Variants in MALRD1 observed in about 807,000 individuals in gnomAD.
MALRD1 encodes MAM and LDL receptor class A domain containing 1.
Under a neutral mutation model 242.1 loss-of-function variants are expected in MALRD1, and 247 were observed. The ratio of observed to expected loss-of-function variants is 1.02; its 90% CI spans 0.92 to 1.13. MALRD1 has a LOEUF of 1.13. MALRD1 is among the 50% of genes most tolerant of loss of function. The pLI, the probability that MALRD1 is intolerant of heterozygous loss-of-function variation, is 0.00. For synonymous variants in MALRD1, 995 were observed against 866.6 expected (o/e 1.15, Z -2.60); for missense variants, 2,989 against 2,533.1 (o/e 1.18, Z -3.86).
At chr10:19,132,139 G>A (rs1833134184) in intron 8 of MALRD1, among the ~76,000 whole-genome samples, 1 of 150,956 alleles carries the variant, frequency 6.6e-6, no homozygotes, top group Non-Finnish European at 1.5e-5. Context: ...GGGAGCAGAG[G>A]GGAATCAGTC....
At chr10:19,163,150 A>G (rs1165977893) in intron 12 of MALRD1, among the ~76,000 whole-genome samples, 13 of 147,840 alleles carry the variant, frequency 8.8e-5, no homozygotes, top group East Asian at 6.0e-4. Context: ...AAAAAAAAAA[A>G]AAAAAAAAAA....
chr10:19,195,459 A>G (rs1836194386), intron 14 of MALRD1, among the ~76,000 whole-genome samples: 1 of 152,024 alleles, frequency 6.6e-6, no homozygotes, highest in Non-Finnish European at 1.5e-5. Flanking sequence ...GTGTCTCCCA[A>G]ATTTATATCT....
chr10:19,720,757 A>G (rs1444275619), intron 38 of MALRD1, among the ~76,000 whole-genome samples: 2 of 152,218 alleles, frequency 1.3e-5, no homozygotes, highest in African/African-American at 4.8e-5. Flanking sequence ...AGGACAAAAT[A>G]TTGCCTAAAA....
rs147944153 is a variant in MALRD1, at chr10:19,681,298, G to A, written c.6138-10984G>A. On this transcript the variant is annotated intron_variant, in intron 36 of 39. Coordinates refer to ENST00000454679, the MANE Select transcript of MALRD1 (RefSeq NM_001142308.3). ...TCATCTCTTTCAGGTACCCCAATCA[G>A]TCATGGGTTCGGTCTTTTTGCATAA... 1.2e-3 allele frequency among the ~76,000 whole-genome samples: 183 copies of A among 152,266 alleles called. 1 individual carries two copies. The highest frequency in any genetic ancestry group is 4.2e-3 in the African/African-American group (174 of 41,550).
At chr10:19,275,010 C>T (rs192198730) in intron 19 of MALRD1, among the ~76,000 whole-genome samples, 99 of 152,082 alleles carry the variant, frequency 6.5e-4, no homozygotes, top group African/African-American at 2.1e-3. Context: ...GATAAGGGTC[C>T]CTCTGAAGGC....
At chr10:19,353,555 G>A (rs921875055) in intron 26 of MALRD1, among the ~76,000 whole-genome samples, 4 of 152,098 alleles carry the variant, frequency 2.6e-5, no homozygotes, top group Non-Finnish European at 4.4e-5. Flanking sequence ...TTTCCCAGTT[G>A]ACAATTAGTT....
rs140625024 is a variant in MALRD1 at position 19,370,568 on chromosome 10, A to T, written c.4442-16960A>T. ...TATTTTACAGCTTTGCTAAATTCACATATTGTTTTGTTTTGTTTTGTTTTT... is the reference window on the plus strand; with the variant it reads ...TATTTTACAGCTTTGCTAAATTCACTTATTGTTTTGTTTTGTTTTGTTTTT... On this transcript the variant is annotated intron_variant, in intron 26 of 39. Coordinates refer to ENST00000454679, the MANE Select transcript of MALRD1 (RefSeq NM_001142308.3). 2.0e-5 allele frequency among the ~76,000 whole-genome samples: 3 copies of T among 152,090 alleles called. No individual in the cohort carries two copies. The East Asian group carries it at 5.8e-4, about 29-fold the overall frequency.
intron 38 of MALRD1, among the ~76,000 whole-genome samples, chr10:19,704,805 G>T (rs1419244201): frequency 1.3e-5 from 2 of 152,104 alleles, no homozygotes; most frequent in African/African-American, 4.8e-5. Context: ...GTGGTAAAAT[G>T]GAAGGAAAGA....
intron 18 of MALRD1, among the ~76,000 whole-genome samples, chr10:19,247,111 C>G (rs1392722705): frequency 1.3e-5 from 2 of 152,044 alleles, no homozygotes; most frequent in African/African-American, 4.8e-5. Flanking sequence ...CACAGCTAGT[C>G]TACATAGTGC....
rs188727074 is a variant in MALRD1, at chr10:19,253,636, A to G, written c.2992-4048A>G. On this transcript the variant is annotated intron_variant, in intron 18 of 39. Coordinates refer to ENST00000454679, the MANE Select transcript of MALRD1 (RefSeq NM_001142308.3). ...GTGTTTTATTTAAAATAAGCCACAC[A>G]TAAGTGGACCAAGGCAGTTCAAACT... Among the ~76,000 whole-genome samples, 8 of 152,156 alleles carry G rather than the reference A, an allele frequency of 5.3e-5. No homozygotes were observed. In the East Asian group the frequency reaches 9.7e-4, roughly 18 times the overall value.
chr10:19,662,969 G>T (rs1841513306), intron 36 of MALRD1, among the ~76,000 whole-genome samples: 1 of 152,114 alleles, frequency 6.6e-6, no homozygotes, highest in Admixed American at 6.6e-5. Context: ...ATCCATGGAT[G>T]GCTTGAGTGG....
chr10:19,483,555 A>G (rs1236061173), intron 29 of MALRD1, among the ~76,000 whole-genome samples: 1 of 152,168 alleles, frequency 6.6e-6, no homozygotes, highest in African/African-American at 2.4e-5. Flanking sequence ...CCACATCACC[A>G]GTCTTCAGAG....
chr10:19,725,345 C>T lies in MALRD1; in HGVS notation c.6315-5361C>T, dbSNP rs115688076. 3.7e-3 allele frequency among the ~76,000 whole-genome samples: 565 copies of T among 152,222 alleles called. 3 individuals carry two copies. Among genetic ancestry groups the T allele is most frequent in the African/African-American group, 0.013 (538 of 41,546 alleles). ...CTGATGGCTTTAGACGGGGCTTTTCCGGCTTTTGCTCTGCACTTCTGGCTG... is the reference window on the plus strand; with the variant it reads ...CTGATGGCTTTAGACGGGGCTTTTCTGGCTTTTGCTCTGCACTTCTGGCTG... On this transcript the variant is annotated intron_variant, in intron 38 of 39. Transcript: ENST00000454679.
chr10:19,632,303 C>G (rs1174925826), intron 36 of MALRD1, among the ~76,000 whole-genome samples: 1 of 152,156 alleles, frequency 6.6e-6, no homozygotes, highest in Non-Finnish European at 1.5e-5. Flanking sequence ...TCCACATCCT[C>G]TGTCCTTCCA....
Position 19,280,239 on chromosome 10 carries a change from A to G in MALRD1, c.3256+16A>G, listed in dbSNP as rs1416565975. The G allele has an allele frequency of 6.8e-7, 1 of 1,462,620 alleles. No homozygotes were observed. The highest frequency in any genetic ancestry group is 1.4e-5 in the South Asian group (1 of 68,984). The allele number at this position is 1,462,620 out of a possible 1,614,324, so 90.6% of individuals were successfully genotyped here. A position where few individuals can be genotyped will look rare whatever the true frequency, so the allele number is the denominator to read the frequency against. On this transcript the variant is annotated intron_variant, in intron 20 of 39. Coordinates refer to ENST00000454679, the MANE Select transcript of MALRD1 (RefSeq NM_001142308.3). ...GCATCCTGTGGTAGGTGGATTCTTA[A>G]AATTTGTTTAAATACTGCTACAAAA...
At chr10:19,579,388 A>G (rs912727958) in intron 33 of MALRD1, among the ~76,000 whole-genome samples, 2 of 152,158 alleles carry the variant, frequency 1.3e-5, no homozygotes, top group Non-Finnish European at 2.9e-5. Context: ...TCACTGATAG[A>G]TTGTCTAAAA....
intron 28 of MALRD1, among the ~76,000 whole-genome samples, chr10:19,427,749 T>G (rs1283746652): frequency 6.6e-6 from 1 of 152,158 alleles, no homozygotes; most frequent in Non-Finnish European, 1.5e-5. Flanking sequence ...TACATCTATT[T>G]TGGGGTTAAT....
chr10:19,485,622 G>A (rs1393611986), intron 29 of MALRD1, among the ~76,000 whole-genome samples: 2 of 146,616 alleles, frequency 1.4e-5, no homozygotes, highest in East Asian at 2.1e-4. Flanking sequence ...CAGCCTGGGC[G>A]ACAGAGCAAG....
At chr10:19,186,652 C>T (rs1835748877) in intron 14 of MALRD1, among the ~76,000 whole-genome samples, 1 of 152,082 alleles carries the variant, frequency 6.6e-6, no homozygotes, top group African/African-American at 2.4e-5. Context: ...TTAATGGTGA[C>T]TGTGGAGAGA....
Sources: gnomAD v4.1 joint callset for allele counts (sites outside exome capture counted in the v4.1 genomes callset) on GRCh38, gnomAD v4.1.1 for gene constraint, MANE v1.5 for transcripts, NCBI Gene and HGNC (gene_info 2026-07-23, HGNC 2026-07-21) for gene names.